AGBL1: variants seen among roughly 807,000 people sequenced by gnomAD.
The protein encoded by AGBL1 is AGBL carboxypeptidase 1.
In AGBL1, 130 loss-of-function variants were observed where a neutral mutation model predicts 118.9. The observed-to-expected ratio is 1.09, with a 90% CI of 0.95 to 1.26. The LOEUF is 1.26. Among genes scored for constraint, AGBL1 ranks in the 50% most tolerant of loss-of-function variants. AGBL1 has a pLI of 0.00. For synonymous variants in AGBL1, 555 were observed against 478.9 expected (o/e 1.16, Z -2.08); for missense variants, 1,584 against 1,298.1 (o/e 1.22, Z -3.38).
chr15:86,623,666 G>A (rs2469190), intron 21 of AGBL1, among the ~76,000 whole-genome samples: 61,347 of 152,108 alleles, frequency 0.4, 13,795 homozygotes, highest in Middle Eastern at 0.56. Flanking sequence ...GACAAGAGAT[G>A]CATTTCACCC....
intron 17 of AGBL1, among the ~76,000 whole-genome samples, chr15:86,368,217 G>C (rs2080920187): frequency 6.6e-6 from 1 of 151,950 alleles, no homozygotes; most frequent in African/African-American, 2.4e-5. Flanking sequence ...TCTGGACTGG[G>C]GGTCTGAAGG....
intron 21 of AGBL1, among the ~76,000 whole-genome samples, chr15:86,671,888 A>G (rs1166879492): frequency 6.6e-6 from 1 of 152,164 alleles, no homozygotes; most frequent in African/African-American, 2.4e-5. Context: ...CATGCCAGAG[A>G]TGTAAAGGAA....
chr15:86,601,800 G>A (rs1378571012), intron 21 of AGBL1, among the ~76,000 whole-genome samples: 1 of 151,984 alleles, frequency 6.6e-6, no homozygotes, highest in Non-Finnish European at 1.5e-5. Context: ...ATTTTGAGGT[G>A]GTTTAGGCAA....
intron 22 of AGBL1, among the ~76,000 whole-genome samples, chr15:86,847,451 G>A (rs1423858976): frequency 6.6e-6 from 1 of 152,184 alleles, no homozygotes; most frequent in African/African-American, 2.4e-5. Context: ...TTGGTAACTT[G>A]CTTTGACTAA....
intron 1 of AGBL1, among the ~76,000 whole-genome samples, chr15:86,112,285 C>G (rs1255112540): frequency 6.6e-6 from 1 of 152,118 alleles, no homozygotes; most frequent in Non-Finnish European, 1.5e-5. Flanking sequence ...GATAGAAAGG[C>G]TGATAACGAT....
chr15:86,328,153 G>A (rs1014718484), intron 17 of AGBL1, among the ~76,000 whole-genome samples: 1 of 152,148 alleles, frequency 6.6e-6, no homozygotes, highest in Non-Finnish European at 1.5e-5. Context: ...TTTCCTACCT[G>A]CTTCCCCCAA....
At position 86,511,824 on chromosome 15, in the gene AGBL1, T is replaced by A. The variant is rs146408929; in HGVS notation, c.2556-10986T>A. On this transcript the variant is annotated intron_variant, in intron 18 of 22. Transcript: ENST00000614907. ...ACAAAACAAAAGGATGAAGTAGGGC[T>A]CATTTATTTTTCCCGTGTGATAGGA... Among the ~76,000 whole-genome samples the A allele has an allele frequency of 7.4e-4, 112 of 152,124 alleles. 1 individual carries two copies. The highest frequency in any genetic ancestry group is 2.6e-3 in the African/African-American group (106 of 41,530).
intron 23 of AGBL1, among the ~76,000 whole-genome samples, chr15:86,962,328 G>T (rs1596679576): frequency 6.6e-6 from 1 of 151,934 alleles, no homozygotes; most frequent in Non-Finnish European, 1.5e-5. Context: ...TGTGTTTTCT[G>T]GAATAGCATT....
At chr15:86,825,747 AAG>A (rs2141398894) in intron 22 of AGBL1, among the ~76,000 whole-genome samples, 1 of 149,776 alleles carries the variant, frequency 6.7e-6, no homozygotes, top group East Asian at 1.9e-4. Flanking sequence ...GAAAGAAAGA[AAG>A]AAAAACAAAC....
chr15:86,730,735 C>T (rs2077515785), intron 22 of AGBL1, among the ~76,000 whole-genome samples: 1 of 152,158 alleles, frequency 6.6e-6, no homozygotes, highest in Admixed American at 6.5e-5. Flanking sequence ...ATGGACTTTA[C>T]AAGTGGTAAA....
intron 21 of AGBL1, among the ~76,000 whole-genome samples, chr15:86,565,621 AAC>A (rs1417988988): frequency 6.6e-6 from 1 of 152,204 alleles, no homozygotes; most frequent in African/African-American, 2.4e-5. Flanking sequence ...TCTGATCTCA[AAC>A]TCCATGCTAG....
chr15:86,189,223 TG>T (rs1473098046), intron 5 of AGBL1, among the ~76,000 whole-genome samples: 1 of 152,218 alleles, frequency 6.6e-6, no homozygotes, highest in African/African-American at 2.4e-5. Flanking sequence ...TTTAAAACCA[TG>T]TCCATTTTAC....
At chr15:86,802,352 A>G (rs2078661825) in intron 22 of AGBL1, among the ~76,000 whole-genome samples, 1 of 151,832 alleles carries the variant, frequency 6.6e-6, no homozygotes, top group Non-Finnish European at 1.5e-5. Context: ...CTGATTCACC[A>G]TTGTAACCCC....
rs141871583 is a variant in AGBL1 at position 86,833,915 on chromosome 15, C to T, written c.3159-73172C>T. 1.8e-3 allele frequency among the ~76,000 whole-genome samples: 272 copies of T among 152,238 alleles called. 2 individuals carry two copies. The highest frequency in any genetic ancestry group is 5.8e-3 in the African/African-American group (241 of 41,538). The stretch of plus-strand genomic sequence containing the variant: ...TTCACCCTTGAAAACTCAGCCTCTT[C>T]CTAATTAAAGACCCTCAGTTTCCCA... On this transcript the variant is annotated intron_variant, in intron 22 of 22. Transcript: ENST00000614907.
At chr15:86,332,287 C>G (rs1703781903) in intron 17 of AGBL1, among the ~76,000 whole-genome samples, 1 of 152,108 alleles carries the variant, frequency 6.6e-6, no homozygotes, top group South Asian at 2.1e-4. Context: ...ACTTAGATGT[C>G]TACACAATAA....
intron 24 of AGBL1, among the ~76,000 whole-genome samples, chr15:87,028,120 C>A (rs2081752786): frequency 6.6e-6 from 1 of 151,726 alleles, no homozygotes; most frequent in South Asian, 2.1e-4. Flanking sequence ...CCTCTAATAC[C>A]TTCTGTTTCA....
chr15:86,996,504 A>G (rs1442407700), intron 24 of AGBL1, among the ~76,000 whole-genome samples: 1 of 152,134 alleles, frequency 6.6e-6, no homozygotes, highest in Non-Finnish European at 1.5e-5. Flanking sequence ...TGTTCTCATG[A>G]GGTGGGAGGA....
At chr15:87,015,016 T>TTCAA (rs1596742341) in intron 24 of AGBL1, among the ~76,000 whole-genome samples, 1 of 152,132 alleles carries the variant, frequency 6.6e-6, no homozygotes, top group Non-Finnish European at 1.5e-5. Flanking sequence ...ATGGACATGA[T>TTCAA]TCAATCAGCT....
intron 14 of AGBL1, 95 bp downstream of exon 14, chr15:86,270,162 G>A (rs1372273002): frequency 2.7e-6 from 4 of 1,473,052 alleles, no homozygotes; most frequent in South Asian, 1.4e-5. Context: ...TGGGTTCAGA[G>A]GGTTTGAAGT....
Sources: allele counts gnomAD v4.1 joint callset (sites outside exome capture counted in the v4.1 genomes callset), GRCh38; gene constraint gnomAD v4.1.1; transcripts MANE v1.5; gene names NCBI Gene and HGNC (gene_info 2026-07-23, HGNC 2026-07-21).